Variants in BTBD16 observed in about 807,000 individuals in gnomAD.
BTBD16 encodes the protein BTB/POZ domain-containing protein 16.
A neutral mutation model predicts 67.4 loss-of-function variants in BTBD16; 66 were observed. That is an observed-to-expected ratio of 0.98 (90% CI 0.80 to 1.20). BTBD16 has a LOEUF of 1.20. BTBD16 is among the 50% of genes most tolerant of loss of function. BTBD16 has a pLI of 0.00. For synonymous variants in BTBD16, 242 were observed against 236.4 expected (o/e 1.02, Z -0.22); for missense variants, 634 against 616.0 (o/e 1.03, Z -0.31).
At chr10:122,277,537 G>A (rs985197660) in intron 3 of BTBD16, among the ~76,000 whole-genome samples, 12 of 152,126 alleles carry the variant, frequency 7.9e-5, no homozygotes, top group African/African-American at 1.7e-4. Flanking sequence ...GAAGCATGGC[G>A]CCAGCATCTG....
At chr10:122,325,512 G>T in intron 10 of BTBD16, among the ~76,000 whole-genome samples, 1 of 152,090 alleles carries the variant, frequency 6.6e-6, no homozygotes, top group South Asian at 2.1e-4. Context: ...GGTCAGCCCT[G>T]ACTCAAAGAA....
chr10:122,334,902 A>G lies in BTBD16; in HGVS notation c.1186A>G (p.Thr396Ala), dbSNP rs760636566. ...FNQENTTYSK[T>A]IALYGFFFKI... Reference sequence around the variant, plus strand: ...TTAGGAGAATACAACTTATTCGAAAACGATTGCTCTATATGGATTCTTCTT... The same window carrying G: ...TTAGGAGAATACAACTTATTCGAAAGCGATTGCTCTATATGGATTCTTCTT... The change falls in exon 14 of 16, where the codon ACG (threonine) becomes GCG (alanine). Residue 396 changes from threonine to alanine, a missense_variant. Transcript: ENST00000260723. The G allele has an allele frequency of 3.2e-6, 5 of 1,567,886 alleles. No individual in the cohort carries two copies. In the East Asian group the frequency reaches 9.0e-5, roughly 28 times the overall value.
chr10:122,331,303 C>A, intron 12 of BTBD16, 45 bp downstream of exon 12: 1 of 1,601,700 alleles, frequency 6.2e-7, no homozygotes, highest in Non-Finnish European at 8.5e-7. Context: ...AAGTTTATTG[C>A]CTCTCTGACT....
intron 14 of BTBD16, among the ~76,000 whole-genome samples, chr10:122,335,588 G>A (rs2096462166): frequency 6.6e-6 from 1 of 152,226 alleles, no homozygotes; most frequent in South Asian, 2.1e-4. Context: ...GAAGGTAACA[G>A]GACATACCTC....
chr10:122,327,653 CCAGAGGCCCCAAGGGGT>C, intron 10 of BTBD16: 1 of 985,070 alleles, frequency 1.0e-6, no homozygotes. Context: ...TTGCCACTTC[CCAGAGGCCCCAAGGGGT>C]CATAAAGTCC....
intron 5 of BTBD16, among the ~76,000 whole-genome samples, chr10:122,288,559 A>G (rs1366770619): frequency 6.8e-6 from 1 of 147,736 alleles, no homozygotes; most frequent in East Asian, 2.1e-4. Context: ...GCTGATATTT[A>G]CTAGCACCAG....
intron 3 of BTBD16, 124 bp from the exon 4 acceptor site, chr10:122,283,727 G>A: frequency 1.4e-6 from 1 of 733,808 alleles, no homozygotes; most frequent in Non-Finnish European, 2.3e-6. Flanking sequence ...CTTCCAAAGG[G>A]CGAGATATGA....
At chr10:122,274,271 G>A (rs1420639776) in intron 1 of BTBD16, among the ~76,000 whole-genome samples, 1 of 152,220 alleles carries the variant, frequency 6.6e-6, no homozygotes, top group African/African-American at 2.4e-5. Flanking sequence ...CAGGCCAGTT[G>A]GGGCCTCTTG....
intron 14 of BTBD16, 69 bp from the exon 15 acceptor site, chr10:122,336,425 C>A: frequency 1.4e-6 from 2 of 1,383,544 alleles, no homozygotes; most frequent in Non-Finnish European, 2.0e-6. Flanking sequence ...ATATGCCAGG[C>A]TCCAGCTTTC....
At chr10:122,334,600 C>T (rs572982904) in intron 13 of BTBD16, among the ~76,000 whole-genome samples, 18 of 139,776 alleles carry the variant, frequency 1.3e-4, no homozygotes, top group East Asian at 2.3e-4. Flanking sequence ...TCTGCCTCCC[C>T]GATTCAAGTG....
At chr10:122,330,680 G>A (rs77539594) in intron 11 of BTBD16, among the ~76,000 whole-genome samples, 3,625 of 152,152 alleles carry the variant, frequency 0.024, 148 homozygotes, top group African/African-American at 0.082. Context: ...TGAATGTATT[G>A]GTTCCTTTGG....
At chr10:122,317,601 C>T (rs1048293690) in intron 10 of BTBD16, among the ~76,000 whole-genome samples, 1 of 151,908 alleles carries the variant, frequency 6.6e-6, no homozygotes, top group Non-Finnish European at 1.5e-5. Context: ...GAGCCGAGAT[C>T]GCACCACTGA....
intron 7 of BTBD16, chr10:122,291,409 C>T (rs1467429397): frequency 8.3e-6 from 4 of 482,520 alleles, no homozygotes; most frequent in African/African-American, 5.9e-5. Context: ...TTTAACCAAA[C>T]GATTCTCGAC....
intron 13 of BTBD16, 37 bp downstream of exon 13, chr10:122,332,550 T>C: frequency 6.3e-7 from 1 of 1,590,150 alleles, no homozygotes; most frequent in Non-Finnish European, 8.6e-7. Context: ...GGAAGAACTG[T>C]TCCTCTCGTG....
rs543609643 is a variant in BTBD16, at chr10:122,332,685, T to G, written c.1164+172T>G. 7.7e-6 allele frequency: 5 copies of G among 649,754 alleles called. No homozygotes were observed. In the African/African-American group the frequency reaches 7.9e-5, roughly 10 times the overall value. The allele number at this position is 649,754 out of a possible 1,614,324, so 40.2% of individuals were successfully genotyped here. ...GGTCATCAGCTCCCAGGAAATAAAA[T>G]TCACAAGGGAGGGGCCTGGGGCGGG... On this transcript the variant is annotated intron_variant, in intron 13 of 15. Coordinates refer to ENST00000260723, the MANE Select transcript of BTBD16 (RefSeq NM_144587.5).
At chr10:122,296,124 C>T (rs1269607696) in intron 7 of BTBD16, among the ~76,000 whole-genome samples, 1 of 151,904 alleles carries the variant, frequency 6.6e-6, no homozygotes, top group Non-Finnish European at 1.5e-5. Context: ...AACTAGATAA[C>T]AGTTTAAAAA....
At chr10:122,283,766 C>T in intron 3 of BTBD16, 85 bp from the exon 4 acceptor site, 1 of 1,040,698 alleles carries the variant, frequency 9.6e-7, no homozygotes, top group Non-Finnish European at 1.5e-6. Flanking sequence ...GCTTTAAGGA[C>T]ATTTATGCTA....
rs530252183 is a variant in BTBD16, at chr10:122,300,303, C to A, written c.791+1169C>A. ...CATAGAATATATACAATATATAATG[C>A]ATAGAATATATGCAATAATGCATAG... On this transcript the variant is annotated intron_variant, in intron 9 of 15. Transcript: ENST00000260723. 1.5e-4 allele frequency among the ~76,000 whole-genome samples: 22 copies of A among 151,610 alleles called. No homozygotes were observed. In the South Asian group the frequency reaches 4.6e-3, roughly 32 times the overall value.
intron 4 of BTBD16, among the ~76,000 whole-genome samples, chr10:122,284,348 C>G (rs1425189644): frequency 1.3e-5 from 2 of 152,010 alleles, no homozygotes; most frequent in African/African-American, 4.8e-5. Flanking sequence ...ACTCAGGAGG[C>G]TGACGCAGGA....
Sources: allele counts gnomAD v4.1 joint callset (sites outside exome capture counted in the v4.1 genomes callset), GRCh38; gene constraint gnomAD v4.1.1; transcripts MANE v1.5; gene names NCBI Gene and HGNC (gene_info 2026-07-23, HGNC 2026-07-21).